Variants in NUP107 observed in about 807,000 individuals in gnomAD.
NUP107 encodes nucleoporin 107.
In NUP107, 101 loss-of-function variants were observed where a neutral mutation model predicts 141.0. The observed-to-expected ratio is 0.72, with a 90% CI of 0.61 to 0.84. The LOEUF (loss-of-function observed/expected upper bound fraction) is 0.84, where lower values mean the gene tolerates loss of function less well. Ranked by LOEUF, NUP107 falls within the 40% of genes least tolerant of loss-of-function variation. The probability of loss-of-function intolerance (pLI) is 0.00; values close to 1 mark genes in which losing one functional copy is unlikely to be tolerated. For synonymous variants in NUP107, 319 were observed against 363.9 expected, an observed-to-expected ratio of 0.88 and a Z score of 1.41; for missense variants, 941 against 1,102.7, an observed-to-expected ratio of 0.85 and a Z score of 2.08.
intron 15 of NUP107, 79 bp from the exon 16 acceptor site, chr12:68,721,762 G>C (rs186653790): frequency 7.4e-7 from 1 of 1,342,628 alleles, no homozygotes; most frequent in Non-Finnish European, 1.0e-6. Flanking sequence ...TTTATAGTCT[G>C]TATCATTGGA....
chr12:68,687,242 C>A, intron 1 of NUP107, 169 bp downstream of exon 1: 1 of 959,310 alleles, frequency 1.0e-6, no homozygotes, highest in African/African-American at 1.6e-5. Context: ...GAAAAAGCCG[C>A]TTGGCGTGCG....
At chr12:68,706,243 T>C in intron 8 of NUP107, 1 of 772,002 alleles carries the variant, frequency 1.3e-6, no homozygotes, top group South Asian at 1.4e-5. Context: ...TGGATGAAGC[T>C]TACAAGAACA....
At chr12:68,700,012 C>T (rs1876250152) in intron 6 of NUP107, among the ~76,000 whole-genome samples, 1 of 152,150 alleles carries the variant, frequency 6.6e-6, no homozygotes, top group Non-Finnish European at 1.5e-5. Context: ...AAGTGATTCT[C>T]CTGCCTTAGC....
chr12:68,736,347 G>A (rs140335472), intron 26 of NUP107, among the ~76,000 whole-genome samples: 5 of 152,184 alleles, frequency 3.3e-5, no homozygotes, highest in South Asian at 2.1e-4. Flanking sequence ...GCAGGACAGC[G>A]AACTAAATTT....
In NUP107 at chr12:68,742,523, GT is replaced by G. The variant is rs2136057376; in HGVS notation, c.*63del. 1 of 862,550 alleles carries G rather than the reference GT, an allele frequency of 1.2e-6. No homozygotes were observed. Among genetic ancestry groups the G allele is most frequent in the East Asian group, 2.9e-5 (1 of 34,662 alleles). The allele number at this position is 862,550 out of a possible 1,614,324, so 53.4% of individuals were successfully genotyped here. Reference sequence around the variant, plus strand: ...ATGAAGTTTTTAATAAAATATACTTGTTATTAGTAATTTTTTCTTTTGCATT... The same window carrying G: ...ATGAAGTTTTTAATAAAATATACTTGTATTAGTAATTTTTTCTTTTGCATT... On this transcript the variant is annotated 3_prime_UTR_variant, in exon 28 of 28. Coordinates refer to ENST00000229179, the MANE Select transcript of NUP107 (RefSeq NM_020401.4).
At chr12:68,728,548 C>T (rs12828443) in intron 20 of NUP107, among the ~76,000 whole-genome samples, 3,328 of 151,246 alleles carry the variant, frequency 0.022, 52 homozygotes, top group South Asian at 0.04. Flanking sequence ...CTCAGCCTCC[C>T]GAGTAGCTGG....
intron 7 of NUP107, among the ~76,000 whole-genome samples, chr12:68,701,138 T>G (rs1318552569): frequency 2.6e-5 from 4 of 152,180 alleles, no homozygotes; most frequent in Non-Finnish European, 5.9e-5. Context: ...AAAGTTAGAC[T>G]TCATGTAATA....
At chr12:68,724,556 C>T (rs1470074999) in intron 17 of NUP107, among the ~76,000 whole-genome samples, 1 of 152,076 alleles carries the variant, frequency 6.6e-6, no homozygotes, top group Non-Finnish European at 1.5e-5. Flanking sequence ...GCAGGAGGAT[C>T]ACTTGAGCTC....
At chr12:68,707,211 C>G in intron 8 of NUP107, 1 of 405,482 alleles carries the variant, frequency 2.5e-6, no homozygotes, top group Admixed American at 4.1e-5. Flanking sequence ...AGTTTACTGC[C>G]TGGGGTACCC....
intron 26 of NUP107, 107 bp downstream of exon 26, chr12:68,735,451 T>G: frequency 1.3e-6 from 1 of 749,868 alleles, no homozygotes; most frequent in South Asian, 1.6e-5. Flanking sequence ...TACATAATTG[T>G]AGATATAGCT....
At chr12:68,688,539 T>C (rs1308415037) in intron 1 of NUP107, among the ~76,000 whole-genome samples, 1 of 152,228 alleles carries the variant, frequency 6.6e-6, no homozygotes, top group East Asian at 1.9e-4. Context: ...TTGTTTGTTT[T>C]TTAATAGTAC....
Position 68,725,780 on chromosome 12 carries a change from C to T in NUP107, c.1560C>T (p.Ile520=). The T allele has an allele frequency of 6.6e-7, 1 of 1,507,200 alleles. No homozygotes were observed. Among genetic ancestry groups the T allele is most frequent in the Non-Finnish European group, 9.1e-7 (1 of 1,104,692 alleles). The allele number at this position is 1,507,200 out of a possible 1,614,324, so 93.4% of individuals were successfully genotyped here. A position where few individuals can be genotyped will look rare whatever the true frequency, so the allele number is the denominator to read the frequency against. Residue 520 remains isoleucine (I), a synonymous_variant, in exon 18 of 28, where the codon ATC becomes ATT. Coordinates refer to ENST00000229179, the MANE Select transcript of NUP107 (RefSeq NM_020401.4). ...EHYHIVQKFL[I]LGDIDGLMDE... ...ATCATATAGTTCAAAAGTTTCTTATCCTGGGAGACATTGATGGTAAGATAT... is the reference window on the plus strand; with the variant it reads ...ATCATATAGTTCAAAAGTTTCTTATTCTGGGAGACATTGATGGTAAGATAT...
intron 2 of NUP107, 68 bp from the exon 3 acceptor site, chr12:68,689,465 A>C: frequency 1.1e-6 from 1 of 908,972 alleles, no homozygotes. Context: ...GTATAGTAAA[A>C]AGATGGTTAA....
Position 68,692,302 on chromosome 12 carries a change from C to T in NUP107, c.448+190C>T, listed in dbSNP as rs565809366. 51 of 540,288 alleles carry T rather than the reference C, an allele frequency of 9.4e-5. No homozygotes were observed. In the East Asian group the frequency reaches 1.2e-3, roughly 12 times the overall value. The allele number at this position is 540,288 out of a possible 1,614,324, so 33.5% of individuals were successfully genotyped here. ...TGAGACAAGAGTCTCACTCTGTTGC[C>T]GGGCGCGGTGGCTCATGCCTATAAT... On this transcript the variant is annotated intron_variant, in intron 5 of 27. Transcript: ENST00000229179.
chr12:68,719,472 C>G, intron 13 of NUP107, 41 bp downstream of exon 13: 1 of 1,572,952 alleles, frequency 6.4e-7, no homozygotes, highest in Non-Finnish European at 8.7e-7. Flanking sequence ...AGGACAAAGG[C>G]ATTTCGCTCT....
chr12:68,715,473 G>A (rs571381845), intron 11 of NUP107, among the ~76,000 whole-genome samples, 154 bp from the exon 12 acceptor site: 12 of 152,266 alleles, frequency 7.9e-5, no homozygotes, highest in Non-Finnish European at 1.5e-4. Flanking sequence ...CAGCCTGGGC[G>A]ACAGAACAAG....
chr12:68,704,881 G>A (rs979049657), intron 8 of NUP107, among the ~76,000 whole-genome samples: 4 of 148,278 alleles, frequency 2.7e-5, no homozygotes, highest in African/African-American at 7.5e-5. Context: ...TTTCTTTTTT[G>A]GGGGGTGGCC....
intron 1 of NUP107, among the ~76,000 whole-genome samples, chr12:68,688,287 A>T (rs1474680107): frequency 1.3e-5 from 2 of 152,080 alleles, no homozygotes; most frequent in Admixed American, 1.3e-4. Context: ...GAAGGTTTTA[A>T]GTGGAGGAAA....
chr12:68,707,026 C>T (rs528704881), intron 8 of NUP107: 34 of 604,294 alleles, frequency 5.6e-5, no homozygotes, highest in Non-Finnish European at 8.2e-5. Flanking sequence ...TCGAGACCCA[C>T]GATGGAAAGC....
Sources: gnomAD v4.1 joint callset for allele counts (sites outside exome capture counted in the v4.1 genomes callset) on GRCh38, gnomAD v4.1.1 for gene constraint, MANE v1.5 for transcripts, NCBI Gene and HGNC (gene_info 2026-07-23, HGNC 2026-07-21) for gene names.